PRR16: variants seen among roughly 807,000 people sequenced by gnomAD.
PRR16 encodes the protein protein Largen.
PRR16 carries 6 observed loss-of-function variants against 18.2 expected under a neutral mutation model. The observed-to-expected ratio is 0.33, with a 90% CI of 0.18 to 0.65. PRR16 has a LOEUF of 0.65. PRR16 is among the 30% of genes least tolerant of loss of function. The pLI is 0.74. For missense variants in PRR16, 412 were observed against 376.6 expected (o/e 1.09, Z -0.78); for synonymous variants, 151 against 147.8 (o/e 1.02, Z -0.16).
downstream of PRR16, among the ~76,000 whole-genome samples, chr5:120,689,825 G>C (rs537929617): frequency 6.6e-6 from 1 of 151,246 alleles, no homozygotes; most frequent in Admixed American, 6.6e-5. Context: ...ACTGATGAAA[G>C]TTGAAAAGAA....
At chr5:120,612,691 G>T (rs901345457) in intron 1 of PRR16, among the ~76,000 whole-genome samples, 1 of 151,960 alleles carries the variant, frequency 6.6e-6, no homozygotes, top group Non-Finnish European at 1.5e-5. Context: ...CCAGTCTCAG[G>T]TATGTCTTTA....
intron 1 of PRR16, among the ~76,000 whole-genome samples, chr5:120,600,611 A>G (rs1753951499): frequency 6.6e-6 from 1 of 151,738 alleles, no homozygotes; most frequent in Non-Finnish European, 1.5e-5. Flanking sequence ...GTAAATATGG[A>G]GGTTTTTTAT....
At chr5:120,523,242 A>G (rs1751244601) in intron 1 of PRR16, among the ~76,000 whole-genome samples, 1 of 152,222 alleles carries the variant, frequency 6.6e-6, no homozygotes, top group Non-Finnish European at 1.5e-5. Context: ...AATTTTAATA[A>G]ATAGCTCAAC....
chr5:120,582,338 A>G (rs1753299660), intron 1 of PRR16, among the ~76,000 whole-genome samples: 1 of 152,156 alleles, frequency 6.6e-6, no homozygotes. Flanking sequence ...TTGGAGGAAT[A>G]TTTATTGAAT....
chr5:120,628,134 C>T (rs746708478), intron 1 of PRR16, among the ~76,000 whole-genome samples: 21 of 152,036 alleles, frequency 1.4e-4, no homozygotes, highest in Non-Finnish European at 2.5e-4. Flanking sequence ...AAAGGTTGGA[C>T]ATCAAGCCTG....
At chr5:120,566,083 A>G (rs998367362) in intron 1 of PRR16, among the ~76,000 whole-genome samples, 1 of 152,204 alleles carries the variant, frequency 6.6e-6, no homozygotes, top group African/African-American at 2.4e-5. Context: ...GGACCTTCAC[A>G]AGGTCATTAG....
intron 1 of PRR16, among the ~76,000 whole-genome samples, chr5:120,543,928 T>A (rs947512976): frequency 6.6e-6 from 1 of 151,896 alleles, no homozygotes; most frequent in Non-Finnish European, 1.5e-5. Context: ...CTCTAAGGAG[T>A]GTGTTGGCTT....
the PRR16 span, among the ~76,000 whole-genome samples, chr5:120,754,628 T>TA: frequency 9.5e-5 from 11 of 115,806 alleles, no homozygotes; most frequent in Non-Finnish European, 1.8e-4. Context: ...TATATTTATA[T>TA]ATAATATATA....
the PRR16 span, among the ~76,000 whole-genome samples, chr5:120,720,681 T>C: frequency 6.6e-6 from 1 of 152,086 alleles, no homozygotes; most frequent in South Asian, 2.1e-4. Flanking sequence ...GTTTCCTGAA[T>C]AGTTGATTCA....
rs1177730192 is a variant in PRR16 at position 120,520,271 on chromosome 5, T to G, written c.159+55626T>G. ...TTAGCCAGGCATGGTGGCAGGCGCC[T>G]GTAATCCCAGCTACTCAGGAGGCTG... On this transcript the variant is annotated intron_variant, in intron 1 of 1. Coordinates refer to ENST00000407149, the MANE Select transcript of PRR16 (RefSeq NM_001300783.2). 3.9e-5 allele frequency among the ~76,000 whole-genome samples: 6 copies of G among 152,140 alleles called. No individual in the cohort carries two copies. In the East Asian group the frequency reaches 1.2e-3, roughly 29 times the overall value.
At chr5:120,560,369 G>T (rs1466579604) in intron 1 of PRR16, among the ~76,000 whole-genome samples, 1 of 151,440 alleles carries the variant, frequency 6.6e-6, no homozygotes, top group Non-Finnish European at 1.5e-5. Flanking sequence ...TTTATAAAAT[G>T]TTTTTTTCAG....
intron 1 of PRR16, among the ~76,000 whole-genome samples, chr5:120,617,480 A>G (rs1239021805): frequency 1.3e-5 from 2 of 152,164 alleles, no homozygotes; most frequent in Non-Finnish European, 2.9e-5. Flanking sequence ...AATTTCAGCA[A>G]TGTTTTATTT....
At chr5:120,794,127 C>G in the PRR16 span, among the ~76,000 whole-genome samples, 1 of 152,186 alleles carries the variant, frequency 6.6e-6, no homozygotes, top group East Asian at 1.9e-4. Flanking sequence ...ATCTCTCTCA[C>G]TCATCAACAG....
At position 120,589,933 on chromosome 5, in the gene PRR16, A is replaced by G. The variant is rs547900115; in HGVS notation, c.160-96021A>G. On this transcript the variant is annotated intron_variant, in intron 1 of 1. Transcript: ENST00000407149. ...GATTTGGAATTTGCTTGCCAAGAAGATTACTTAGAACTGAGAGTAGTTTTC... is the reference window on the plus strand; with the variant it reads ...GATTTGGAATTTGCTTGCCAAGAAGGTTACTTAGAACTGAGAGTAGTTTTC... Among the ~76,000 whole-genome samples the G allele has an allele frequency of 3.9e-5, 6 of 152,128 alleles. No homozygotes were observed. The East Asian group carries it at 1.2e-3, about 29-fold the overall frequency.
At chr5:120,670,672 C>T (rs182040656) in intron 1 of PRR16, among the ~76,000 whole-genome samples, 7 of 152,188 alleles carry the variant, frequency 4.6e-5, no homozygotes. Context: ...TATCATAATG[C>T]TTGTATACCT....
At chr5:120,697,953 C>G in the PRR16 span, among the ~76,000 whole-genome samples, 2 of 152,128 alleles carry the variant, frequency 1.3e-5, no homozygotes, top group African/African-American at 4.8e-5. Context: ...TTTTGTGATT[C>G]TTCAGTTACT....
chr5:120,668,551 G>T (rs901737117), intron 1 of PRR16, among the ~76,000 whole-genome samples: 5 of 152,122 alleles, frequency 3.3e-5, no homozygotes, highest in African/African-American at 1.2e-4. Flanking sequence ...TCCTAGTCTT[G>T]ATGGTCTTTA....
At chr5:120,489,664 T>C (rs1475142076) in intron 1 of PRR16, among the ~76,000 whole-genome samples, 3 of 152,220 alleles carry the variant, frequency 2.0e-5, no homozygotes, top group Non-Finnish European at 4.4e-5. Flanking sequence ...TTAAGGTTAA[T>C]ATTGTTATGT....
At chr5:120,663,914 G>A (rs1425558610) in intron 1 of PRR16, among the ~76,000 whole-genome samples, 1 of 152,136 alleles carries the variant, frequency 6.6e-6, no homozygotes, top group East Asian at 1.9e-4. Context: ...ATTGTTTACT[G>A]ATAATAAATA....
Sources: gnomAD v4.1 joint callset for allele counts (sites outside exome capture counted in the v4.1 genomes callset) on GRCh38, gnomAD v4.1.1 for gene constraint, MANE v1.5 for transcripts, NCBI Gene and HGNC (gene_info 2026-07-23, HGNC 2026-07-21) for gene names.